Variants in MAPK10 observed in about 807,000 individuals in gnomAD.
The protein encoded by MAPK10 is mitogen-activated protein kinase 10, also known as JNK3 alpha protein kinase.
A neutral mutation model predicts 59.3 loss-of-function variants in MAPK10; 25 were observed. The ratio of observed to expected loss-of-function variants is 0.42; its 90% confidence interval spans 0.31 to 0.59. The LOEUF (loss-of-function observed/expected upper bound fraction) is 0.59, where lower values mean the gene tolerates loss of function less well. Among genes scored for constraint, MAPK10 ranks in the 20% least tolerant of loss-of-function variants. MAPK10 has a pLI of 0.15. For synonymous variants in MAPK10, 190 were observed against 200.5 expected (o/e 0.95, Z 0.44); for missense variants, 351 against 568.9 (o/e 0.62, Z 3.90).
In MAPK10 at chr4:86,554,571, A is replaced by T. The variant is rs189299504; in HGVS notation, c.-263+39339T>A. On this transcript the variant is annotated intron_variant, in intron 1 of 4. Coordinates refer to the MAPK10 transcript ENST00000502302. ...TGTCAATTTTATTTCAGAAATATATAAAAAATCTGACCATTCTTCCCTATT... is the reference window on the plus strand; with the variant it reads ...TGTCAATTTTATTTCAGAAATATATTAAAAATCTGACCATTCTTCCCTATT... 3.4e-3 allele frequency among the ~76,000 whole-genome samples: 513 copies of T among 152,272 alleles called. 1 individual carries two copies. The highest frequency in any genetic ancestry group is 0.012 in the African/African-American group (495 of 41,546).
At chr4:86,527,716 T>C (rs894841720) in intron 1 of MAPK10, among the ~76,000 whole-genome samples, 1 of 152,214 alleles carries the variant, frequency 6.6e-6, no homozygotes, top group Admixed American at 6.5e-5. Flanking sequence ...CACTTGTGTG[T>C]TCATCACAGC....
intron 2 of MAPK10, among the ~76,000 whole-genome samples, chr4:86,194,833 G>T (rs1027488095): frequency 2.0e-5 from 3 of 151,550 alleles, no homozygotes; most frequent in African/African-American, 7.3e-5. Flanking sequence ...ATAGGACTTG[G>T]AGTAATTATA....
rs369060585 is a variant in MAPK10, at chr4:86,307,723, T to C, written c.-7+46807A>G. Among the ~76,000 whole-genome samples the C allele has an allele frequency of 2.6e-4, 39 of 152,204 alleles. No individual in the cohort carries two copies. The East Asian group carries it at 6.6e-3, about 26-fold the overall frequency. ...TTGGGACATAGATTTGTTGGGCAAATAGGGGACATTAATAGGGAATAGTAG... is the reference window on the plus strand; with the variant it reads ...TTGGGACATAGATTTGTTGGGCAAACAGGGGACATTAATAGGGAATAGTAG... On this transcript the variant is annotated intron_variant, in intron 2 of 13. Coordinates refer to ENST00000641462, the MANE Select transcript of MAPK10 (RefSeq NM_138982.4).
At chr4:86,588,349 T>C (rs780102068) in intron 1 of MAPK10, among the ~76,000 whole-genome samples, 3 of 152,200 alleles carry the variant, frequency 2.0e-5, no homozygotes, top group Non-Finnish European at 2.9e-5. Flanking sequence ...AAAAGTAACA[T>C]ATGGTTGTAA....
chr4:86,274,146 A>T (rs1056476552), intron 2 of MAPK10, among the ~76,000 whole-genome samples: 5 of 152,040 alleles, frequency 3.3e-5, no homozygotes, highest in African/African-American at 1.2e-4. Flanking sequence ...GCTGGAGATA[A>T]ATCTATTAAT....
chr4:86,023,447 G>A (rs148807092), intron 13 of MAPK10, among the ~76,000 whole-genome samples: 17 of 152,116 alleles, frequency 1.1e-4, no homozygotes, highest in African/African-American at 4.1e-4. Flanking sequence ...TTTTAAGATG[G>A]GGCTTGTCAA....
chr4:86,579,516 T>TACACAC (rs35878270), intron 1 of MAPK10, among the ~76,000 whole-genome samples: 20,415 of 146,088 alleles, frequency 0.14, 1,442 homozygotes, highest in Non-Finnish European at 0.15. Flanking sequence ...GATATGTGTA[T>TACACAC]ACACACACAC....
chr4:86,296,982 T>C lies in MAPK10; in HGVS notation c.-7+57548A>G, dbSNP rs148998231. On this transcript the variant is annotated intron_variant, in intron 2 of 13. Coordinates refer to ENST00000641462, the MANE Select transcript of MAPK10 (RefSeq NM_138982.4). ...TTATCAAACTTCGTGTGCATCAGAA[T>C]CCTCTGGAAGGGTTAGACGGGGACT... Among the ~76,000 whole-genome samples, 460 of 152,280 alleles carry C rather than the reference T, an allele frequency of 3.0e-3. 2 individuals are homozygous for C. The highest frequency in any genetic ancestry group is 0.011 in the African/African-American group (439 of 41,558).
intron 2 of MAPK10, among the ~76,000 whole-genome samples, chr4:86,301,789 A>G (rs1460752): frequency 0.31 from 47,088 of 152,022 alleles, 7,655 homozygotes; most frequent in Non-Finnish European, 0.37. Flanking sequence ...AATGTCTGAT[A>G]TAGGGTATGA....
At chr4:86,097,330 G>T (rs1416106521) in intron 9 of MAPK10, among the ~76,000 whole-genome samples, 1 of 151,894 alleles carries the variant, frequency 6.6e-6, no homozygotes, top group Non-Finnish European at 1.5e-5. Context: ...CCAGCAGAAT[G>T]AATACATACC....
chr4:86,362,648 T>C (rs780936200), upstream of MAPK10, among the ~76,000 whole-genome samples: 1 of 152,092 alleles, frequency 6.6e-6, no homozygotes, highest in African/African-American at 2.4e-5. Context: ...TGACAGGCAT[T>C]TGACAAAGGA....
upstream of MAPK10, among the ~76,000 whole-genome samples, chr4:86,362,349 T>G (rs921278500): frequency 6.6e-6 from 1 of 151,948 alleles, no homozygotes; most frequent in Non-Finnish European, 1.5e-5. Context: ...ATATAACTTT[T>G]TTTAAAGATG....
chr4:86,274,382 T>C (rs2094514038), intron 2 of MAPK10, among the ~76,000 whole-genome samples: 1 of 151,920 alleles, frequency 6.6e-6, no homozygotes. Flanking sequence ...CCAGAAGTAA[T>C]TTAAAGTAAT....
intron 1 of MAPK10, among the ~76,000 whole-genome samples, chr4:86,529,524 C>T (rs1044804914): frequency 2.0e-5 from 3 of 152,208 alleles, no homozygotes; most frequent in Non-Finnish European, 4.4e-5. Flanking sequence ...GAAGGTCATA[C>T]AGCCAGGAAA....
chr4:86,339,105 T>C (rs1470943615), intron 2 of MAPK10, among the ~76,000 whole-genome samples: 1 of 152,166 alleles, frequency 6.6e-6, no homozygotes, highest in Non-Finnish European at 1.5e-5. Context: ...ACTATTCTAT[T>C]ACACACAGTG....
At chr4:86,135,673 C>A (rs866980672) in intron 4 of MAPK10, among the ~76,000 whole-genome samples, 7 of 152,116 alleles carry the variant, frequency 4.6e-5, no homozygotes, top group East Asian at 1.9e-4. Context: ...AGCAACGGAA[C>A]AAAGCTGGAT....
chr4:86,398,226 C>CAA (rs61450319), intron 1 of MAPK10, among the ~76,000 whole-genome samples: 6 of 142,710 alleles, frequency 4.2e-5, no homozygotes, highest in African/African-American at 1.6e-4. Context: ...AACAAACAAA[C>CAA]AAAAAAAAAA....
chr4:86,122,495 G>A (rs1269867763), intron 4 of MAPK10, among the ~76,000 whole-genome samples: 1 of 152,052 alleles, frequency 6.6e-6, no homozygotes, highest in African/African-American at 2.4e-5. Context: ...TTCATCTCCT[G>A]TTACAATTCT....
Position 86,313,411 on chromosome 4 carries a change from C to T in MAPK10, c.-7+41119G>A, listed in dbSNP as rs181892777. 2.0e-5 allele frequency among the ~76,000 whole-genome samples: 3 copies of T among 152,100 alleles called. No individual in the cohort carries two copies. In the East Asian group the frequency reaches 5.8e-4, roughly 29 times the overall value. On this transcript the variant is annotated intron_variant, in intron 2 of 13. Transcript: ENST00000641462. ...ATTGAACCTTATTAAAATTGAAAAT[C>T]TTTTGTGGTCAAAAGCCTCTGTTAA...
Sources: gnomAD v4.1 joint callset for allele counts (sites outside exome capture counted in the v4.1 genomes callset) on GRCh38, gnomAD v4.1.1 for gene constraint, MANE v1.5 for transcripts, NCBI Gene and HGNC (gene_info 2026-07-23, HGNC 2026-07-21) for gene names.